GOLGA1: variants seen among roughly 807,000 people sequenced by gnomAD.
GOLGA1 encodes the protein golgin A1, also known as golgin subfamily A member 1.
In GOLGA1, 63 loss-of-function variants were observed where a neutral mutation model predicts 119.7. The ratio of observed to expected loss-of-function variants is 0.53; its 90% confidence interval spans 0.43 to 0.65. GOLGA1 has a LOEUF of 0.65. Ranked by LOEUF, GOLGA1 falls within the 30% of genes least tolerant of loss-of-function variation. The pLI is 0.00. For synonymous variants in GOLGA1, 318 were observed against 333.4 expected (o/e 0.95, Z 0.50); for missense variants, 798 against 912.8 (o/e 0.87, Z 1.62).
At chr9:124,909,516 G>A (rs1830298905) in intron 11 of GOLGA1, among the ~76,000 whole-genome samples, 1 of 147,082 alleles carries the variant, frequency 6.8e-6, no homozygotes, top group Admixed American at 7.0e-5. Context: ...GCTGAGGCAG[G>A]AAAATCACTT....
At chr9:124,924,582 T>C (rs563802440) in intron 7 of GOLGA1, among the ~76,000 whole-genome samples, 2 of 146,724 alleles carry the variant, frequency 1.4e-5, no homozygotes, top group Middle Eastern at 7.1e-3. Flanking sequence ...CAGTGAGCTA[T>C]GACTGTGCCA....
chr9:124,940,431 A>C (rs906391345), intron 1 of GOLGA1, among the ~76,000 whole-genome samples: 1 of 152,204 alleles, frequency 6.6e-6, no homozygotes, highest in Non-Finnish European at 1.5e-5. Flanking sequence ...GGGAGCCCTG[A>C]GCAAAACAAT....
chr9:124,928,086 C>A, intron 6 of GOLGA1, 102 bp downstream of exon 6: 1 of 545,194 alleles, frequency 1.8e-6, no homozygotes, highest in Non-Finnish European at 3.3e-6. Flanking sequence ...TTCTCTTCTC[C>A]TAGGCTATAA....
intron 8 of GOLGA1, among the ~76,000 whole-genome samples, 181 bp downstream of exon 8, chr9:124,922,914 T>C (rs1015741622): frequency 3.3e-5 from 5 of 151,984 alleles, no homozygotes; most frequent in Admixed American, 2.0e-4. Flanking sequence ...AAAAAGAACA[T>C]TTTAAACAGA....
rs1830578588 is a variant in GOLGA1, at chr9:124,921,947, A to T, written c.562-55T>A. The T allele has an allele frequency of 1.4e-6, 2 of 1,454,546 alleles. 1 individual carries two copies. The highest frequency in any genetic ancestry group is 2.3e-5 in the South Asian group (2 of 86,670). 90.1% of individuals were successfully genotyped at this position (1,454,546 alleles called of 1,614,324 possible). Reference sequence around the variant, plus strand: ...CTATGCTAAGAAAAATACACTTAAGATCAGGCATGCTGGCTCACGCCTGTA... The same window carrying T: ...CTATGCTAAGAAAAATACACTTAAGTTCAGGCATGCTGGCTCACGCCTGTA... On this transcript the variant is annotated intron_variant, in intron 8 of 22. Transcript: ENST00000373555.
Position 124,938,644 on chromosome 9 carries a change from G to A in GOLGA1, c.68C>T (p.Thr23Ile), listed in dbSNP as rs1251581458. Residue 23 changes from threonine to isoleucine, a missense_variant, in exon 3 of 23, where the codon ACT (threonine) becomes ATT (isoleucine). By Grantham distance (89) the Thr-to-Ile change is moderately conservative. Coordinates refer to ENST00000373555, the MANE Select transcript of GOLGA1 (RefSeq NM_002077.4). ...TAVAQRPGGA[T>I]RIPRSVSKES... ...CTTGCTCACAGACCGTGGGATCCTA[G>A]TAGCACCTCCTGGCCTCTGAGCAAC... is the stretch of plus-strand genomic sequence containing the variant. 1.2e-6 allele frequency: 2 copies of A among 1,613,280 alleles called. No individual in the cohort carries two copies. Among genetic ancestry groups the A allele is most frequent in the South Asian group, 1.1e-5 (1 of 91,064 alleles).
At chr9:124,891,378 C>T (rs990926825) in intron 15 of GOLGA1, among the ~76,000 whole-genome samples, 2 of 152,192 alleles carry the variant, frequency 1.3e-5, no homozygotes, top group Admixed American at 1.3e-4. Context: ...TGGAGAAAAA[C>T]AATTCTAAAT....
Position 124,881,976 on chromosome 9 carries a change from T to C in GOLGA1, c.1966-22A>G, listed in dbSNP as rs780060409. The stretch of plus-strand genomic sequence containing the variant: ...TTTTCTGAAAAACCAGTGGGAAAGA[T>C]GCTACACCGAACCCTCTGAGACAGG... On this transcript the variant is annotated intron_variant, in intron 20 of 22. Transcript: ENST00000373555. The surrounding 1 kb of genome is among the most constrained non-coding windows in gnomAD (Gnocchi z 4.9). 2.5e-6 allele frequency: 4 copies of C among 1,573,588 alleles called. No homozygotes were observed. The highest frequency in any genetic ancestry group is 1.8e-5 in the Admixed American group (1 of 56,052).
chr9:124,919,736 C>T (rs1017039671), intron 10 of GOLGA1, among the ~76,000 whole-genome samples: 1 of 152,044 alleles, frequency 6.6e-6, no homozygotes, highest in African/African-American at 2.4e-5. Context: ...GTGGATGGCA[C>T]TGCCGAATAG....
chr9:124,937,887 A>G (rs1205083050), intron 3 of GOLGA1, among the ~76,000 whole-genome samples: 1 of 151,846 alleles, frequency 6.6e-6, no homozygotes, highest in African/African-American at 2.4e-5. Context: ...GTTTGAGACC[A>G]CCCTGGGCAA....
chr9:124,880,385 G>A lies in GOLGA1; in HGVS notation c.*145C>T. On this transcript the variant is annotated 3_prime_UTR_variant, in exon 23 of 23. Coordinates refer to ENST00000373555, the MANE Select transcript of GOLGA1 (RefSeq NM_002077.4). ...GGTTCAGGTCAGCCTGCAGGGAAGTGGGCCTTAGTCTTGTAAACAATGTTT... is the reference window on the plus strand; with the variant it reads ...GGTTCAGGTCAGCCTGCAGGGAAGTAGGCCTTAGTCTTGTAAACAATGTTT... 1 of 592,824 alleles carries A rather than the reference G, an allele frequency of 1.7e-6. No homozygotes were observed. Among genetic ancestry groups the A allele is most frequent in the Non-Finnish European group, 3.2e-6 (1 of 314,280 alleles). 36.7% of individuals were successfully genotyped at this position (592,824 alleles called of 1,614,324 possible).
chr9:124,881,077 A>C lies in GOLGA1; in HGVS notation c.2223+94T>G. On this transcript the variant is annotated intron_variant, in intron 22 of 22. Transcript: ENST00000373555. This position sits in a 1 kb window ranked among gnomAD's most constrained non-coding sequence, Gnocchi z 4.9. ...ATCATGCAGCTGTGCTGGTGCCTAC[A>C]CTCGGGTGTGGGTCTAAGGGGTCTT... 1 of 768,206 alleles carries C rather than the reference A, an allele frequency of 1.3e-6. No individual in the cohort carries two copies. The highest frequency in any genetic ancestry group is 2.4e-6 in the Non-Finnish European group (1 of 418,852). The allele number at this position is 768,206 out of a possible 1,614,324, so 47.6% of individuals were successfully genotyped here.
At chr9:124,919,676 G>T (rs891617379) in intron 10 of GOLGA1, among the ~76,000 whole-genome samples, 5 of 152,210 alleles carry the variant, frequency 3.3e-5, no homozygotes, top group Non-Finnish European at 7.4e-5. Context: ...TAATTATGTT[G>T]TAAGGCTCTG....
chr9:124,900,764 T>C (rs1368984112), intron 12 of GOLGA1, among the ~76,000 whole-genome samples: 1 of 152,250 alleles, frequency 6.6e-6, no homozygotes, highest in African/African-American at 2.4e-5. Context: ...TAGCTTTATA[T>C]AAAGTTTTAA....
At chr9:124,930,051 T>C (rs1830745159) in intron 4 of GOLGA1, among the ~76,000 whole-genome samples, 1 of 152,162 alleles carries the variant, frequency 6.6e-6, no homozygotes, top group Non-Finnish European at 1.5e-5. Flanking sequence ...CCTTAAGTGC[T>C]TTGCACACAG....
Position 124,881,115 on chromosome 9 carries a change from C to T in GOLGA1, c.2223+56G>A. 1.1e-6 allele frequency: 1 copy of T among 939,294 alleles called. No individual in the cohort carries two copies. The highest frequency in any genetic ancestry group is 1.8e-6 in the Non-Finnish European group (1 of 562,792). 58.2% of individuals were successfully genotyped at this position (939,294 alleles called of 1,614,324 possible). On this transcript the variant is annotated intron_variant, in intron 22 of 22. Coordinates refer to ENST00000373555, the MANE Select transcript of GOLGA1 (RefSeq NM_002077.4). The surrounding 1 kb of genome is among the most constrained non-coding windows in gnomAD (Gnocchi z 4.9). ...TCTAAGGGGTCTTACACTGCTACTG[C>T]TGGGATAACTGACAACGTATCTTGG...
At chr9:124,940,388 C>T (rs1483007422) in intron 1 of GOLGA1, among the ~76,000 whole-genome samples, 1 of 152,154 alleles carries the variant, frequency 6.6e-6, no homozygotes, top group African/African-American at 2.4e-5. Flanking sequence ...CAGAATTGAT[C>T]ACCGCAGCGG....
intron 10 of GOLGA1, among the ~76,000 whole-genome samples, chr9:124,920,035 C>T (rs1225165113): frequency 6.6e-6 from 1 of 152,024 alleles, no homozygotes; most frequent in Admixed American, 6.6e-5. Context: ...TCTCAGCTCA[C>T]TTGCAACCTC....
intron 15 of GOLGA1, among the ~76,000 whole-genome samples, chr9:124,892,697 C>T (rs1829882208): frequency 6.6e-6 from 1 of 152,126 alleles, no homozygotes; most frequent in African/African-American, 2.4e-5. Context: ...CTTTGGGAGG[C>T]AAAAGTGGAC....
Sources: allele counts gnomAD v4.1 joint callset (sites outside exome capture counted in the v4.1 genomes callset), GRCh38; gene constraint gnomAD v4.1.1; non-coding constraint Gnocchi (gnomAD v3.1); transcripts MANE v1.5; gene names NCBI Gene and HGNC (gene_info 2026-07-23, HGNC 2026-07-21).